The following ZSCAN18 variants were observed in gnomAD, a reference collection of about 807,000 sequenced individuals.
ZSCAN18 encodes the protein zinc finger and SCAN domain containing 18, also known as zinc finger and SCAN domain-containing protein 18.
ZSCAN18 carries 16 observed loss-of-function variants against 31.1 expected under a neutral mutation model. The observed-to-expected ratio is 0.51, with a 90% CI of 0.35 to 0.78. ZSCAN18 has a LOEUF of 0.78. Among genes scored for constraint, ZSCAN18 ranks in the 30% least tolerant of loss-of-function variants. The probability of loss-of-function intolerance (pLI) is 0.01; values close to 1 mark genes in which losing one functional copy is unlikely to be tolerated. For missense variants in ZSCAN18, 731 were observed against 697.4 expected, an observed-to-expected ratio of 1.05 and a Z score of -0.54; for synonymous variants, 375 against 320.7, an observed-to-expected ratio of 1.17 and a Z score of -1.81.
chr19:58,091,308 C>A (rs953603099), intron 1 of ZSCAN18, among the ~76,000 whole-genome samples: 1 of 150,456 alleles, frequency 6.6e-6, no homozygotes, highest in Non-Finnish European at 1.5e-5. Flanking sequence ...ATGTCAATTT[C>A]TAATAACATG....
intron 1 of ZSCAN18, chr19:58,108,796 G>T (rs1386573092): frequency 1.0e-6 from 1 of 986,236 alleles, no homozygotes; most frequent in Non-Finnish European, 1.2e-6. Context: ...TGTTCACTAA[G>T]GTGTGTAGAA....
upstream of ZSCAN18, among the ~76,000 whole-genome samples, chr19:58,101,029 T>C (rs1469932235): frequency 2.6e-5 from 4 of 152,194 alleles, no homozygotes; most frequent in African/African-American, 9.6e-5. Context: ...TATTTCCGGG[T>C]TCTCGATTCC....
At chr19:58,097,880 G>A in intron 1 of ZSCAN18, 1 of 959,736 alleles carries the variant, frequency 1.0e-6, no homozygotes, top group Non-Finnish European at 1.2e-6. Flanking sequence ...TGCCCTAAGC[G>A]CCTCCCCTCC....
At chr19:58,106,010 A>C (rs2074631827) in intron 1 of ZSCAN18, among the ~76,000 whole-genome samples, 1 of 152,176 alleles carries the variant, frequency 6.6e-6, no homozygotes, top group Non-Finnish European at 1.5e-5. Flanking sequence ...GTATTTTGTA[A>C]GGCTATAGCT....
chr19:58,097,330 A>T (rs1369725533), intron 1 of ZSCAN18, among the ~76,000 whole-genome samples: 1 of 151,814 alleles, frequency 6.6e-6, no homozygotes, highest in African/African-American at 2.4e-5. Context: ...AAAAGGAAGG[A>T]GCCCAGGAGG....
chr19:58,114,638 G>A (rs2052734), intron 1 of ZSCAN18, among the ~76,000 whole-genome samples: 115,028 of 151,880 alleles, frequency 0.76, 44,202 homozygotes, highest in Non-Finnish European at 0.84. Context: ...ATATAAACAA[G>A]TATGTATATA....
rs531440981 is a variant in ZSCAN18, at chr19:58,090,217, C to T, written c.51G>A (p.Pro17=). 1.9e-5 allele frequency: 30 copies of T among 1,613,490 alleles called. No individual in the cohort carries two copies. Among genetic ancestry groups the T allele is most frequent in the South Asian group, 5.5e-5 (5 of 91,092 alleles). The change falls in exon 2 of 7, where the codon CCG becomes CCA. Residue 17 remains proline, a synonymous_variant. Transcript: ENST00000601144. The surrounding 1 kb of genome is among the most constrained non-coding windows in gnomAD (Gnocchi z 4.7). ...AFASPRSSPA[P]PDLPTPGSAA... Reference sequence around the variant, plus strand: ...CTGACCCCGGCGTGGGCAGATCCGGCGGGGCTGGGGAGCTCCTGGGGGAGG... The same window carrying T: ...CTGACCCCGGCGTGGGCAGATCCGGTGGGGCTGGGGAGCTCCTGGGGGAGG...
chr19:58,089,195 T>C (rs1247120929), intron 2 of ZSCAN18, among the ~76,000 whole-genome samples: 11 of 143,756 alleles, frequency 7.7e-5, no homozygotes, highest in Admixed American at 2.8e-4. Flanking sequence ...CCCAGCTACT[T>C]GGGAGGCTGA....
rs76613299 is a variant in ZSCAN18 at position 58,095,820 on chromosome 19, G to C, written c.-120+2354C>G. Among the ~76,000 whole-genome samples the C allele has an allele frequency of 1.8e-4, 28 of 152,280 alleles. No individual in the cohort carries two copies. In the East Asian group the frequency reaches 5.4e-3, roughly 29 times the overall value. Reference sequence around the variant, plus strand: ...TGAGCCTCTCTGGGAAGCCACCTCTGCCTCCACTTCCTCCATTCACCTGCA... The same window carrying C: ...TGAGCCTCTCTGGGAAGCCACCTCTCCCTCCACTTCCTCCATTCACCTGCA... On this transcript the variant is annotated intron_variant, in intron 1 of 6. Transcript: ENST00000601144.
chr19:58,109,426 T>C, intron 1 of ZSCAN18: 1 of 1,052,340 alleles, frequency 9.5e-7, no homozygotes, highest in African/African-American at 1.6e-5. Context: ...CTGTGCCCAT[T>C]CTGTGACACA....
At chr19:58,099,428 C>T (rs988127950), upstream of ZSCAN18, among the ~76,000 whole-genome samples, 1 of 152,152 alleles carries the variant, frequency 6.6e-6, no homozygotes, top group Non-Finnish European at 1.5e-5. Context: ...TATGTATCAA[C>T]AGTTCATTCC....
intron 1 of ZSCAN18, among the ~76,000 whole-genome samples, chr19:58,104,681 CA>C (rs2074621259): frequency 6.6e-6 from 1 of 150,522 alleles, no homozygotes; most frequent in Non-Finnish European, 1.5e-5. Flanking sequence ...CTAGCCTAGG[CA>C]AAAGAGTGAG....
chr19:58,107,950 T>C, intron 1 of ZSCAN18: 1 of 1,071,310 alleles, frequency 9.3e-7, no homozygotes, highest in Non-Finnish European at 1.2e-6. Flanking sequence ...GTATGAGTCC[T>C]CTGGTGCCAG....
In ZSCAN18 at chr19:58,086,225, T is replaced by A. The variant is rs146673574; in HGVS notation, c.787A>T (p.Thr263Ser). 2 of 1,613,926 alleles carry A rather than the reference T, an allele frequency of 1.2e-6. No homozygotes were observed. Among genetic ancestry groups the A allele is most frequent in the Non-Finnish European group, 1.7e-6 (2 of 1,179,898 alleles). ...SQPDAASRLD[T>S]EELRLVERDP... Reference sequence around the variant, plus strand: ...CTTTCCACCAACCGGAGTTCCTCAGTGTCCAGCCTGGAGGCAGCGTCAGGC... The same window carrying A: ...CTTTCCACCAACCGGAGTTCCTCAGAGTCCAGCCTGGAGGCAGCGTCAGGC... The change falls in exon 6 of 7, where the codon ACT (threonine) becomes TCT (serine). Residue 263 changes from threonine to serine, a missense_variant. Physicochemically the swap from Thr to Ser is moderately conservative, Grantham distance 58. This residue lies in a region of ZSCAN18 where 597 missense variants were observed against 499.5 expected (regional missense o/e 1.20). Transcript: ENST00000601144.
chr19:58,106,928 T>C (rs1384126819), intron 1 of ZSCAN18, among the ~76,000 whole-genome samples: 1 of 114,622 alleles, frequency 8.7e-6, no homozygotes, highest in Non-Finnish European at 2.1e-5. Context: ...GCCTGGCTAA[T>C]TTTTTTTTGT....
In ZSCAN18 at chr19:58,085,098, G is replaced by A. The variant is rs759319664; in HGVS notation, c.1120C>T (p.Pro374Ser). The A allele has an allele frequency of 1.2e-6, 2 of 1,606,642 alleles. No homozygotes were observed. The highest frequency in any genetic ancestry group is 3.4e-5 in the Admixed American group (2 of 59,504). ...TAKLGTKRPHPEDGDGQSLEG... is the reference protein window; with the variant it reads ...TAKLGTKRPHSEDGDGQSLEG... ...AGGCTCTGCCCGTCCCCATCCTCGG[G>A]GTGCGGCCTCTTGGTTCCCAGTTTC... The change falls in exon 7 of 7, where the codon CCC (proline) becomes TCC (serine). Residue 374 changes from proline (P) to serine (S), a missense_variant. Coordinates refer to ENST00000601144, the MANE Select transcript of ZSCAN18 (RefSeq NM_001145543.2).
At chr19:58,098,534 G>A (rs1156727734), upstream of ZSCAN18, among the ~76,000 whole-genome samples, 1 of 152,198 alleles carries the variant, frequency 6.6e-6, no homozygotes. Context: ...AGACCGGGAG[G>A]GAGAGAAGCA....
Position 58,098,210 on chromosome 19 carries a change from C to T in ZSCAN18, c.-156G>A. On this transcript the variant is annotated 5_prime_UTR_variant, in exon 1 of 7. Coordinates refer to ENST00000601144, the MANE Select transcript of ZSCAN18 (RefSeq NM_001145543.2). ...CTACCCCAGGCCGGTCCCAGCCGCC[C>T]GGAGCCCCAGTGCGCGATGGCGGCC... is the stretch of plus-strand genomic sequence containing the variant. 6 of 985,530 alleles carry T rather than the reference C, an allele frequency of 6.1e-6. No homozygotes were observed. The highest frequency in any genetic ancestry group is 7.2e-6 in the Non-Finnish European group (6 of 830,010). 61.0% of individuals were successfully genotyped at this position (985,530 alleles called of 1,614,324 possible). A position where few individuals can be genotyped will look rare whatever the true frequency, so the allele number is the denominator to read the frequency against.
rs1018351389 is a variant in ZSCAN18 at position 58,084,972 on chromosome 19, C to T, written c.1246G>A (p.Gly416Ser). The T allele has an allele frequency of 6.3e-7, 1 of 1,599,906 alleles. No homozygotes were observed. The highest frequency in any genetic ancestry group is 1.3e-5 in the African/African-American group (1 of 74,916). ...GLSRGKPYAC[G>S]ECGEAFAWLS... Reference sequence around the variant, plus strand: ...CACGCGAAGGCCTCCCCGCACTCGCCGCAGGCATAGGGCTTCCCGCGGGAC... The same window carrying T: ...CACGCGAAGGCCTCCCCGCACTCGCTGCAGGCATAGGGCTTCCCGCGGGAC... The change falls in exon 7 of 7, where the codon GGC becomes AGC. Residue 416 changes from glycine to serine, a missense_variant. Transcript: ENST00000601144. The surrounding 1 kb of genome is among the most constrained non-coding windows in gnomAD (Gnocchi z 4.5).
Sources: gnomAD v4.1 joint callset for allele counts (sites outside exome capture counted in the v4.1 genomes callset) on GRCh38, gnomAD v4.1.1 for gene constraint, gnomAD v4.1.1 regional missense constraint, Gnocchi (gnomAD v3.1) non-coding constraint, MANE v1.5 for transcripts, NCBI Gene and HGNC (gene_info 2026-07-23, HGNC 2026-07-21) for gene names.